RORA: variants seen among roughly 807,000 people sequenced by gnomAD.
RORA encodes RAR related orphan receptor A, also known as nuclear receptor ROR-alpha.
RORA carries 7 observed loss-of-function variants against 69.5 expected under a neutral mutation model. That is an observed-to-expected ratio of 0.10 (90% confidence interval 0.06 to 0.19). RORA has a LOEUF of 0.19. Ranked by LOEUF, RORA falls within the 10% of genes least tolerant of loss-of-function variation. RORA has a pLI of 1.00. For missense variants in RORA, 457 were observed against 663.0 expected (o/e 0.69, Z 3.41); for synonymous variants, 261 against 240.8 (o/e 1.08, Z -0.78).
At chr15:60,938,012 G>A (rs1892577431) in intron 1 of RORA, among the ~76,000 whole-genome samples, 1 of 152,166 alleles carries the variant, frequency 6.6e-6, no homozygotes, top group Admixed American at 6.5e-5. Context: ...AGAGGAAGGA[G>A]AGACTCAGAG....
chr15:60,779,658 T>G (rs1294061825), intron 1 of RORA, among the ~76,000 whole-genome samples: 1 of 152,256 alleles, frequency 6.6e-6, no homozygotes, highest in South Asian at 2.1e-4. Flanking sequence ...ACACTTCTTC[T>G]ACAAAAGTCA....
chr15:60,974,084 G>A (rs575056353), intron 1 of RORA, among the ~76,000 whole-genome samples: 3 of 152,344 alleles, frequency 2.0e-5, no homozygotes, highest in African/African-American at 7.2e-5. Context: ...GGGTAAATGA[G>A]CAGATGAAGA....
intron 1 of RORA, among the ~76,000 whole-genome samples, chr15:61,136,092 G>A (rs2079237650): frequency 6.6e-6 from 1 of 152,120 alleles, no homozygotes; most frequent in South Asian, 2.1e-4. Flanking sequence ...TAAATTTAGT[G>A]TGCCGCTTCC....
chr15:60,732,571 G>T (rs1441408442), intron 1 of RORA, among the ~76,000 whole-genome samples: 2 of 152,176 alleles, frequency 1.3e-5, no homozygotes, highest in Non-Finnish European at 2.9e-5. Context: ...GGCCAGCTTA[G>T]TTCAACTGTG....
intron 1 of RORA, among the ~76,000 whole-genome samples, chr15:61,011,404 T>C (rs535416982): frequency 4.7e-4 from 71 of 152,364 alleles, no homozygotes; most frequent in Non-Finnish European, 8.5e-4. Flanking sequence ...ATGTTAGGAC[T>C]AATAAAATGA....
intron 1 of RORA, among the ~76,000 whole-genome samples, chr15:61,137,053 A>AAGAAAGAAAG (rs1442229942): frequency 6.7e-6 from 1 of 148,606 alleles, no homozygotes; most frequent in Non-Finnish European, 1.5e-5. Flanking sequence ...GAAAGAAAGA[A>AAGAAAGAAAG]AGAAAGAAAG....
chr15:61,128,383 G>T lies in RORA; in HGVS notation c.166+100670C>A, dbSNP rs1288101873. ...TATATAAACTTAAAATCAGTCACAT[G>T]AAATGTGCAGGATCTCAAATGATGC... On this transcript the variant is annotated intron_variant, in intron 1 of 10. Transcript: ENST00000335670. The surrounding 1 kb of genome is among the most constrained non-coding windows in gnomAD (Gnocchi z 4.5). Among the ~76,000 whole-genome samples, 2 of 152,138 alleles carry T rather than the reference G, an allele frequency of 1.3e-5. No individual in the cohort carries two copies. Among genetic ancestry groups the T allele is most frequent in the Non-Finnish European group, 2.9e-5 (2 of 68,030 alleles).
intron 1 of RORA, among the ~76,000 whole-genome samples, chr15:60,741,586 T>C (rs1006418224): frequency 1.3e-5 from 2 of 152,196 alleles, no homozygotes; most frequent in Non-Finnish European, 2.9e-5. Context: ...CCTCCCTGTC[T>C]GGCCCTGGAA....
At chr15:61,009,406 AC>A (rs1895021396) in intron 1 of RORA, among the ~76,000 whole-genome samples, 1 of 152,242 alleles carries the variant, frequency 6.6e-6, no homozygotes, top group Non-Finnish European at 1.5e-5. Flanking sequence ...CTATGCTTAA[AC>A]AACTGTGTTT....
chr15:60,758,090 G>A (rs1179752820), intron 1 of RORA, among the ~76,000 whole-genome samples: 1 of 152,186 alleles, frequency 6.6e-6, no homozygotes, highest in Non-Finnish European at 1.5e-5. Context: ...ATATGTCAAT[G>A]ACTTCCCAAA....
At chr15:61,194,084 A>T (rs934744423) in intron 1 of RORA, 1 of 152,192 alleles carries the variant, frequency 6.6e-6, no homozygotes, top group Non-Finnish European at 1.5e-5. Flanking sequence ...ACGAAGTCCA[A>T]CGTGAATCAA....
intron 1 of RORA, among the ~76,000 whole-genome samples, chr15:60,786,344 A>G (rs919564517): frequency 2.0e-5 from 3 of 152,270 alleles, no homozygotes. Context: ...AAATGCCTCA[A>G]AAAGATAAAT....
chr15:61,034,194 A>G (rs533206182), intron 1 of RORA, among the ~76,000 whole-genome samples: 1 of 152,200 alleles, frequency 6.6e-6, no homozygotes, highest in Non-Finnish European at 1.5e-5. Flanking sequence ...GAAGGAAGAA[A>G]TGTGTTGAAA....
At chr15:60,986,424 C>T (rs1375728540) in intron 1 of RORA, among the ~76,000 whole-genome samples, 3 of 152,202 alleles carry the variant, frequency 2.0e-5, no homozygotes, top group South Asian at 4.1e-4. Flanking sequence ...CTACAATTAG[C>T]CCCTTCAGAC....
intron 2 of RORA, among the ~76,000 whole-genome samples, chr15:60,561,791 G>T (rs1351377233): frequency 3.9e-5 from 6 of 151,958 alleles, no homozygotes; most frequent in African/African-American, 9.7e-5. Flanking sequence ...ACATAATATG[G>T]GACTTCAGTG....
chr15:60,714,105 G>C (rs986068878), intron 1 of RORA, among the ~76,000 whole-genome samples: 2 of 151,862 alleles, frequency 1.3e-5, no homozygotes, highest in Non-Finnish European at 2.9e-5. Context: ...CCAGGATGGA[G>C]TGCAATGGCG....
chr15:61,200,148 G>C (rs1333014908), intron 1 of RORA, among the ~76,000 whole-genome samples: 1 of 152,198 alleles, frequency 6.6e-6, no homozygotes, highest in African/African-American at 2.4e-5. Flanking sequence ...TTGTGGTAAG[G>C]ACTGGGGTCT....
chr15:60,644,877 C>T (rs940827857), intron 2 of RORA, among the ~76,000 whole-genome samples: 2 of 152,020 alleles, frequency 1.3e-5, no homozygotes, highest in South Asian at 2.1e-4. Flanking sequence ...TCACTGGGCC[C>T]GTCTTATGAA....
intron 2 of RORA, among the ~76,000 whole-genome samples, chr15:60,541,198 T>A (rs1411780654): frequency 2.6e-5 from 4 of 152,190 alleles, no homozygotes; most frequent in Admixed American, 2.0e-4. Context: ...TCCTAGAAAT[T>A]CAACTAGTTC....
Sources: gnomAD v4.1 joint callset for allele counts (sites outside exome capture counted in the v4.1 genomes callset) on GRCh38, gnomAD v4.1.1 for gene constraint, Gnocchi (gnomAD v3.1) non-coding constraint, MANE v1.5 for transcripts, NCBI Gene and HGNC (gene_info 2026-07-23, HGNC 2026-07-21) for gene names.